The following CNOT1 variants were observed in gnomAD, a reference collection of about 807,000 sequenced individuals.
The protein encoded by CNOT1 is CCR4-associated factor 1.
A neutral mutation model predicts 273.8 loss-of-function variants in CNOT1; 15 were observed. The observed-to-expected ratio is 0.05, with a 90% CI of 0.04 to 0.08. The LOEUF is 0.08. Among genes scored for constraint, CNOT1 ranks in the 10% least tolerant of loss-of-function variants. CNOT1 has a pLI of 1.00. For missense variants in CNOT1, 1,644 were observed against 2,912.2 expected, an observed-to-expected ratio of 0.56 and a Z score of 10.02; for synonymous variants, 1,022 against 1,005.5, an observed-to-expected ratio of 1.02 and a Z score of -0.31.
At chr16:58,539,215 T>A (rs145703028) in intron 35 of CNOT1, among the ~76,000 whole-genome samples, 1 of 152,224 alleles carries the variant, frequency 6.6e-6, no homozygotes, top group East Asian at 1.9e-4. Context: ...AAAGGGCAGC[T>A]GGGCTCAGTG....
chr16:58,621,689 C>T (rs376271579), intron 1 of CNOT1, among the ~76,000 whole-genome samples: 43 of 149,366 alleles, frequency 2.9e-4, no homozygotes, highest in East Asian at 2.2e-3. Flanking sequence ...GAGGCCGAGG[C>T]GGGCAGATCA....
At chr16:58,621,948 C>G (rs1198424108) in intron 1 of CNOT1, among the ~76,000 whole-genome samples, 2 of 143,334 alleles carry the variant, frequency 1.4e-5, no homozygotes, top group Non-Finnish European at 3.0e-5. Flanking sequence ...GATACACCAC[C>G]AAGAGTGAAT....
At chr16:58,576,604 A>C (rs767681148) in intron 13 of CNOT1, 22 bp from the exon 14 acceptor site, 24 of 1,613,682 alleles carry the variant, frequency 1.5e-5, no homozygotes, top group Non-Finnish European at 2.0e-5. Context: ...AAGAAAGATT[A>C]AATAGCAATA....
chr16:58,521,390 T>C (rs1222214695), intron 47 of CNOT1, 73 bp from the exon 48 acceptor site: 1 of 1,470,770 alleles, frequency 6.8e-7, no homozygotes, highest in African/African-American at 1.4e-5. Flanking sequence ...CATTACTTTT[T>C]TTCTAACTTC....
intron 14 of CNOT1, 23 bp downstream of exon 14, chr16:58,576,440 T>C: frequency 6.2e-7 from 1 of 1,613,722 alleles, no homozygotes; most frequent in Non-Finnish European, 8.5e-7. Context: ...TAAACTGGTG[T>C]CAGTCTGTCC....
chr16:58,607,721 C>CAAAAAAAAAAAAA (rs71385179), intron 1 of CNOT1, among the ~76,000 whole-genome samples: 11 of 67,130 alleles, frequency 1.6e-4, no homozygotes, highest in African/African-American at 3.7e-4. Flanking sequence ...CAGCAAAACT[C>CAAAAAAAAAAAAA]AAAAAAAAAA....
intron 1 of CNOT1, among the ~76,000 whole-genome samples, chr16:58,628,064 G>A (rs947893065): frequency 1.3e-5 from 2 of 152,144 alleles, no homozygotes; most frequent in East Asian, 1.9e-4. Context: ...CTGACCTCTG[G>A]TGATTCACCT....
chr16:58,557,687 G>C (rs1301825660), intron 18 of CNOT1, among the ~76,000 whole-genome samples: 1 of 152,050 alleles, frequency 6.6e-6, no homozygotes, highest in African/African-American at 2.4e-5. Flanking sequence ...AACAATATCT[G>C]GGAAAAAAAC....
rs1257249916 is a variant in CNOT1, at chr16:58,548,529, A to G, written c.3523-847T>C. 5.8e-6 allele frequency: 3 copies of G among 519,192 alleles called. 1 individual carries two copies. Among genetic ancestry groups the G allele is most frequent in the South Asian group, 4.2e-5 (3 of 71,592 alleles). The allele number at this position is 519,192 out of a possible 1,614,324, so 32.2% of individuals were successfully genotyped here. A position where few individuals can be genotyped will look rare whatever the true frequency, so the allele number is the denominator to read the frequency against. The stretch of plus-strand genomic sequence containing the variant: ...TTCCTTAACTCTATACAGCAACAGC[A>G]GAATGGCACAAGTCAGCTGTGCAAC... On this transcript the variant is annotated intron_variant, in intron 25 of 48. Coordinates refer to ENST00000317147, the MANE Select transcript of CNOT1 (RefSeq NM_016284.5).
intron 18 of CNOT1, 62 bp downstream of exon 18, chr16:58,558,411 C>T (rs2040712159): frequency 2.5e-6 from 4 of 1,600,742 alleles, no homozygotes; most frequent in Non-Finnish European, 3.4e-6. Context: ...CCTTACCAAA[C>T]ACTAAGGCAT....
At chr16:58,606,638 A>G (rs571351317) in intron 1 of CNOT1, among the ~76,000 whole-genome samples, 1 of 152,044 alleles carries the variant, frequency 6.6e-6, no homozygotes, top group Non-Finnish European at 1.5e-5. Context: ...CCCTGTCTCT[A>G]CTAAATATAC....
Position 58,523,362 on chromosome 16 carries a change from T to A in CNOT1, c.6917+8A>T. The A allele has an allele frequency of 6.4e-7, 1 of 1,567,024 alleles. No individual in the cohort carries two copies. Among genetic ancestry groups the A allele is most frequent in the Non-Finnish European group, 8.6e-7 (1 of 1,156,554 alleles). ...TTGAAGCATTTAAAAAATAAGCTGC[T>A]CGCTTACCTTGTGATCTGTTCTTGG... On this transcript the variant is annotated splice_region_variant and intron_variant, in intron 47 of 48. Transcript: ENST00000317147.
intron 31 of CNOT1, 196 bp downstream of exon 31, chr16:58,543,411 G>GAAAA: frequency 7.4e-7 from 1 of 1,348,042 alleles, no homozygotes; most frequent in Non-Finnish European, 9.8e-7. Context: ...GAATATAACA[G>GAAAA]AAAAAAAAAA....
rs1179178944 is a variant in CNOT1, at chr16:58,551,719, G to A, written c.3071C>T (p.Ala1024Val). The change falls in exon 23 of 49, where the codon GCC (alanine) becomes GTC (valine). Residue 1024 changes from alanine (A) to valine (V), a missense_variant. Transcript: ENST00000317147. ...AAGAGGAGCTTTTGCTGGAACCTGG[G>A]CCTGAGCCTGGGCCTGAGCCAGTGC... ...SIALAQAQAQ[A>V]QVPAKAPLAG... The A allele has an allele frequency of 1.2e-6, 2 of 1,613,958 alleles. No individual in the cohort carries two copies. Among genetic ancestry groups the A allele is most frequent in the South Asian group, 2.2e-5 (2 of 91,066 alleles).
intron 1 of CNOT1, among the ~76,000 whole-genome samples, chr16:58,600,396 T>C (rs1341469079): frequency 1.3e-5 from 2 of 152,182 alleles, no homozygotes; most frequent in Non-Finnish European, 2.9e-5. Context: ...ACTTAAGATT[T>C]CTATTTTACC....
At chr16:58,620,632 C>T (rs970858854) in intron 1 of CNOT1, among the ~76,000 whole-genome samples, 1 of 129,900 alleles carries the variant, frequency 7.7e-6, no homozygotes, top group South Asian at 2.5e-4. Flanking sequence ...CTGGGTGACA[C>T]AGCGAAGACT....
chr16:58,603,606 T>C (rs2152017256), intron 1 of CNOT1, among the ~76,000 whole-genome samples: 1 of 152,140 alleles, frequency 6.6e-6, no homozygotes, highest in Non-Finnish European at 1.5e-5. Context: ...CTTCCTCTTA[T>C]ACTCTTCTTC....
chr16:58,597,239 C>T lies in CNOT1; in HGVS notation c.102+1997G>A, dbSNP rs1376887480. 4.6e-5 allele frequency among the ~76,000 whole-genome samples: 7 copies of T among 152,062 alleles called. No homozygotes were observed. The South Asian group carries it at 6.2e-4, about 14-fold the overall frequency. ...CTGTAATCACAGCACTTTGGGAAGC[C>T]GAGGCGGGCACATGGCCTGAGGTCA... On this transcript the variant is annotated intron_variant, in intron 2 of 48. Coordinates refer to ENST00000317147, the MANE Select transcript of CNOT1 (RefSeq NM_016284.5).
rs755228454 is a variant in CNOT1, at chr16:58,537,965, A to C, written c.5340T>G (p.Thr1780=). The C allele has an allele frequency of 2.5e-6, 4 of 1,614,092 alleles. No individual in the cohort carries two copies. The change falls in exon 38 of 49, where the codon ACT becomes ACG. Residue 1780 remains threonine (T), a synonymous_variant. Transcript: ENST00000317147. The part of the protein sequence containing the change: ...LVDERSVAHV[T]EADLFHTIET... ...CAATGGTGTGGAACAGATCTGCCTC[A>C]GTAACATGAGCAACACTCCTTTCAT...
Sources: gnomAD v4.1 joint callset for allele counts (sites outside exome capture counted in the v4.1 genomes callset) on GRCh38, gnomAD v4.1.1 for gene constraint, MANE v1.5 for transcripts, NCBI Gene and HGNC (gene_info 2026-07-23, HGNC 2026-07-21) for gene names.